CLASP2: variants seen among roughly 807,000 people sequenced by gnomAD.
CLASP2 encodes the protein cytoplasmic linker associated protein 2, also known as CLIP-associating protein 2.
A neutral mutation model predicts 194.4 loss-of-function variants in CLASP2; 47 were observed. That is an observed-to-expected ratio of 0.24 (90% CI 0.19 to 0.31). The LOEUF (loss-of-function observed/expected upper bound fraction) is 0.31, where lower values mean the gene tolerates loss of function less well. Among genes scored for constraint, CLASP2 ranks in the 10% least tolerant of loss-of-function variants. The probability of loss-of-function intolerance (pLI) is 1.00; values close to 1 mark genes in which losing one functional copy is unlikely to be tolerated. For missense variants in CLASP2, 1,445 were observed against 1,823.6 expected (o/e 0.79, Z 3.78); for synonymous variants, 619 against 633.5 (o/e 0.98, Z 0.34).
At chr3:33,544,995 G>T in intron 30 of CLASP2, 154 bp from the exon 31 acceptor site, 1 of 491,442 alleles carries the variant, frequency 2.0e-6, no homozygotes, top group Non-Finnish European at 3.3e-6. Context: ...TGTTTTGCTG[G>T]AAGGATAAAA....
chr3:33,652,263 GAAC>G (rs1307790984), intron 7 of CLASP2, among the ~76,000 whole-genome samples: 2 of 152,142 alleles, frequency 1.3e-5, no homozygotes, highest in Admixed American at 6.5e-5. Context: ...TTAAAACAAT[GAAC>G]AACAAGACTT....
rs953784464 is a variant in CLASP2 at position 33,544,874 on chromosome 3, A to G, written c.3154-33T>C. The G allele has an allele frequency of 1.0e-5, 16 of 1,531,352 alleles. No individual in the cohort carries two copies. The African/African-American group carries it at 2.1e-4, about 20-fold the overall frequency. The allele number at this position is 1,531,352 out of a possible 1,614,324, so 94.9% of individuals were successfully genotyped here. A position where few individuals can be genotyped will look rare whatever the true frequency, so the allele number is the denominator to read the frequency against. Reference sequence around the variant, plus strand: ...ACAAAGGCATACAGTAGATGAATATATTTTTGTTACTCAAACAAGACCGTT... The same window carrying G: ...ACAAAGGCATACAGTAGATGAATATGTTTTTGTTACTCAAACAAGACCGTT... On this transcript the variant is annotated intron_variant, in intron 30 of 38. Coordinates refer to ENST00000682230, the MANE Select transcript of CLASP2 (RefSeq NM_001365631.1).
At chr3:33,591,589 C>A (rs945412408) in intron 21 of CLASP2, among the ~76,000 whole-genome samples, 2 of 152,186 alleles carry the variant, frequency 1.3e-5, no homozygotes, top group Admixed American at 6.5e-5. Flanking sequence ...CCAGCCTAGG[C>A]AACAGAGTAA....
intron 34 of CLASP2, among the ~76,000 whole-genome samples, chr3:33,520,042 C>T (rs1575781852): frequency 1.3e-5 from 2 of 152,094 alleles, no homozygotes; most frequent in South Asian, 4.1e-4. Flanking sequence ...GAGACAGAGT[C>T]TTGCTCTGTC....
intron 29 of CLASP2, 60 bp downstream of exon 29, chr3:33,559,247 A>G: frequency 9.6e-7 from 1 of 1,038,734 alleles, no homozygotes; most frequent in South Asian, 1.4e-5. Flanking sequence ...ATATCAACAT[A>G]ACTTTATTAA....
chr3:33,676,816 C>A (rs2088749729), intron 6 of CLASP2, among the ~76,000 whole-genome samples: 1 of 152,046 alleles, frequency 6.6e-6, no homozygotes, highest in Admixed American at 6.6e-5. Context: ...TGACAAAGGG[C>A]TAATATCTAG....
chr3:33,677,481 A>G (rs1308953641), intron 6 of CLASP2, among the ~76,000 whole-genome samples: 2 of 148,772 alleles, frequency 1.3e-5, no homozygotes, highest in African/African-American at 5.0e-5. Context: ...GCGTATTCTC[A>G]CTCATAGATG....
At chr3:33,534,568 T>TA (rs1159841474) in intron 34 of CLASP2, among the ~76,000 whole-genome samples, 4 of 152,148 alleles carry the variant, frequency 2.6e-5, no homozygotes, top group African/African-American at 9.7e-5. Flanking sequence ...CCCAGTCTCT[T>TA]AAACAAAACA....
intron 12 of CLASP2, among the ~76,000 whole-genome samples, chr3:33,616,541 T>G (rs2076193996): frequency 6.6e-6 from 1 of 152,060 alleles, no homozygotes. Context: ...CTAAAGATAT[T>G]AAAGGGCTAT....
At position 33,663,490 on chromosome 3, in the gene CLASP2, C is replaced by A; in HGVS notation, c.670G>T (p.Asp224Tyr). Reference protein sequence around the residue: ...ARLEMIFAKFDEVQSSGGMIL... With the variant: ...ARLEMIFAKFYEVQSSGGMIL... ...ATACCGCCTGAACTTTGCACTTCAT[C>A]AAATTTGGCAAATATCATTTCTAAT... Residue 224 changes from aspartate (D) to tyrosine (Y), a missense_variant, in exon 7 of 39, where the codon GAT becomes TAT. Around this residue, in one of 4 missense-constraint regions of CLASP2, gnomAD observed 332 missense variants for 325.3 expected, o/e 1.02. Coordinates refer to ENST00000682230, the MANE Select transcript of CLASP2 (RefSeq NM_001365631.1). 1 of 1,612,070 alleles carries A rather than the reference C, an allele frequency of 6.2e-7. No individual in the cohort carries two copies.
In CLASP2 at chr3:33,689,896, T is replaced by C. The variant is rs756828882; in HGVS notation, c.311A>G (p.Lys104Arg). 1 of 1,599,246 alleles carries C rather than the reference T, an allele frequency of 6.3e-7. No homozygotes were observed. The highest frequency in any genetic ancestry group is 2.3e-5 in the East Asian group (1 of 44,426). Residue 104 changes from lysine (K) to arginine (R), a missense_variant, in exon 3 of 39, where the codon AAA becomes AGA. This residue lies in a region of CLASP2 where 332 missense variants were observed against 325.3 expected (regional missense o/e 1.02). Transcript: ENST00000682230. The stretch of plus-strand genomic sequence containing the variant: ...CTGAGCTTCATCTCGAACCTTGTCT[T>C]TGGCATCTCCCATTCTGTCTATTAA... ...VALIDRMGDA[K>R]DKVRDEAQTL...
intron 18 of CLASP2, among the ~76,000 whole-genome samples, chr3:33,598,030 C>T (rs973613179): frequency 6.6e-6 from 1 of 152,022 alleles, no homozygotes; most frequent in Non-Finnish European, 1.5e-5. Context: ...TAGGATTACA[C>T]GTGTGAGCCA....
At chr3:33,652,797 A>G (rs1005805972) in intron 7 of CLASP2, among the ~76,000 whole-genome samples, 2 of 152,092 alleles carry the variant, frequency 1.3e-5, no homozygotes, top group South Asian at 2.1e-4. Context: ...GTCCTCCCCA[A>G]TCCCAGTAAA....
At chr3:33,704,319 T>C (rs2092560794) in intron 1 of CLASP2, among the ~76,000 whole-genome samples, 1 of 152,176 alleles carries the variant, frequency 6.6e-6, no homozygotes, top group African/African-American at 2.4e-5. Context: ...CTGTGCATTA[T>C]GCAGAAGCAG....
intron 2 of CLASP2, among the ~76,000 whole-genome samples, chr3:33,694,298 G>A (rs2091649363): frequency 6.6e-6 from 1 of 152,184 alleles, no homozygotes; most frequent in African/African-American, 2.4e-5. Context: ...GCAGTGTTGG[G>A]AGTCAAACTA....
intron 29 of CLASP2, among the ~76,000 whole-genome samples, chr3:33,554,097 G>C (rs562032440): frequency 7.9e-5 from 12 of 151,906 alleles, no homozygotes; most frequent in Non-Finnish European, 1.2e-4. Flanking sequence ...GCGTGGTGGT[G>C]GGCGCCTGTA....
At chr3:33,559,473 T>C (rs750555941) in intron 28 of CLASP2, 88 bp from the exon 29 acceptor site, 30 of 726,724 alleles carry the variant, frequency 4.1e-5, no homozygotes, top group Non-Finnish European at 6.8e-5. Context: ...TACCAAAACA[T>C]AATGTCATCC....
At chr3:33,562,742 C>A (rs1182701016) in intron 27 of CLASP2, among the ~76,000 whole-genome samples, 4 of 152,190 alleles carry the variant, frequency 2.6e-5, no homozygotes, top group African/African-American at 9.7e-5. Flanking sequence ...AAAATCCATT[C>A]TGAAAATCAC....
At chr3:33,557,553 C>T (rs2061179093) in intron 29 of CLASP2, among the ~76,000 whole-genome samples, 1 of 152,078 alleles carries the variant, frequency 6.6e-6, no homozygotes, top group Non-Finnish European at 1.5e-5. Context: ...ACATACATTT[C>T]AGTAGCACTT....
Sources: allele counts gnomAD v4.1 joint callset (sites outside exome capture counted in the v4.1 genomes callset), GRCh38; gene constraint gnomAD v4.1.1; regional missense constraint gnomAD v4.1.1; transcripts MANE v1.5; gene names NCBI Gene and HGNC (gene_info 2026-07-23, HGNC 2026-07-21).